CREBBP: variants seen among roughly 807,000 people sequenced by gnomAD.
The protein encoded by CREBBP is CREB-binding protein.
CREBBP carries 19 observed loss-of-function variants against 265.0 expected under a neutral mutation model. The observed-to-expected ratio is 0.07, with a 90% CI of 0.05 to 0.11. The LOEUF (loss-of-function observed/expected upper bound fraction) is 0.11, where lower values mean the gene tolerates loss of function less well. CREBBP is among the 10% of genes least tolerant of loss of function. The pLI, the probability that CREBBP is intolerant of heterozygous loss-of-function variation, is 1.00. For missense variants in CREBBP, 2,525 were observed against 3,219.0 expected (o/e 0.78, Z 5.22); for synonymous variants, 1,457 against 1,223.7 (o/e 1.19, Z -3.98).
chr16:3,792,516 T>C (rs540697878), intron 4 of CREBBP, among the ~76,000 whole-genome samples: 1 of 152,330 alleles, frequency 6.6e-6, no homozygotes, highest in South Asian at 2.1e-4. Flanking sequence ...ATGAGAAGTC[T>C]GTAGAGATTC....
chr16:3,772,564 A>C (rs1394324047), intron 13 of CREBBP, among the ~76,000 whole-genome samples: 1 of 152,164 alleles, frequency 6.6e-6, no homozygotes, highest in Non-Finnish European at 1.5e-5. Flanking sequence ...TCATTTATGT[A>C]CCACAGCAGC....
Position 3,793,734 on chromosome 16 carries a change from C to T in CREBBP, c.976-108G>A, listed in dbSNP as rs1452795624. ...AAAAGCTGATGGATAATACCGACCA[C>T]AGAGAGAAGGCTGGTGTAGTTCTCT... On this transcript the variant is annotated intron_variant, in intron 3 of 30. Coordinates refer to ENST00000262367, the MANE Select transcript of CREBBP (RefSeq NM_004380.3). 4 of 1,331,872 alleles carry T rather than the reference C, an allele frequency of 3.0e-6. No homozygotes were observed. In the African/African-American group the frequency reaches 5.9e-5, roughly 19 times the overall value. 82.5% of individuals were successfully genotyped at this position (1,331,872 alleles called of 1,614,324 possible).
At position 3,744,977 on chromosome 16, in the gene CREBBP, G is replaced by A; in HGVS notation, c.3915-16C>T. 1.3e-6 allele frequency: 2 copies of A among 1,575,806 alleles called. No individual in the cohort carries two copies. Among genetic ancestry groups the A allele is most frequent in the South Asian group, 2.2e-5 (2 of 90,292 alleles). ...GCACACAAAACTGCAAAATAATAGTGGTATGATGAGACTGTATATAATGAT... is the reference window on the plus strand; with the variant it reads ...GCACACAAAACTGCAAAATAATAGTAGTATGATGAGACTGTATATAATGAT... On this transcript the variant is annotated splice_polypyrimidine_tract_variant and intron_variant, in intron 22 of 30. Transcript: ENST00000262367.
intron 3 of CREBBP, among the ~76,000 whole-genome samples, chr16:3,805,009 T>C (rs2053800314): frequency 6.6e-6 from 1 of 152,270 alleles, no homozygotes; most frequent in Non-Finnish European, 1.5e-5. Context: ...TTTCTCTCAA[T>C]TTATAGTTTC....
intron 12 of CREBBP, 52 bp from the exon 13 acceptor site, chr16:3,773,982 A>T (rs1450601722): frequency 3.8e-6 from 6 of 1,596,804 alleles, no homozygotes; most frequent in Non-Finnish European, 5.1e-6. Context: ...TGACGGCCAG[A>T]GTTTTCAAGG....
At chr16:3,741,488 G>C (rs1350263460) in intron 23 of CREBBP, 1 of 152,178 alleles carries the variant, frequency 6.6e-6, no homozygotes, top group Non-Finnish European at 1.5e-5. Context: ...TGGATAAGTT[G>C]TACCTGAATA....
intron 1 of CREBBP, among the ~76,000 whole-genome samples, chr16:3,869,908 T>C (rs2055259062): frequency 6.6e-6 from 1 of 152,178 alleles, no homozygotes; most frequent in Admixed American, 6.5e-5. Context: ...ATTCAAATGA[T>C]TCCCTCAGAG....
chr16:3,843,541 C>A (rs1169089250), intron 2 of CREBBP, among the ~76,000 whole-genome samples: 1 of 151,842 alleles, frequency 6.6e-6, no homozygotes, highest in Non-Finnish European at 1.5e-5. Context: ...CTGCTTCAGC[C>A]TCCTGAGTAG....
intron 3 of CREBBP, among the ~76,000 whole-genome samples, chr16:3,804,071 G>A (rs577293612): frequency 6.6e-6 from 1 of 151,246 alleles, no homozygotes; most frequent in Admixed American, 6.6e-5. Context: ...GTGACAGTGA[G>A]ACCCCAGCTT....
At position 3,731,993 on chromosome 16, in the gene CREBBP, G is replaced by A. The variant is rs1407335774; in HGVS notation, c.4729-56C>T. ...GCAAGTGCCCCTCCACACTTGGCAC[G>A]GACGCCCAGCTCCCAGGCCGTGGGC... is the stretch of plus-strand genomic sequence containing the variant. On this transcript the variant is annotated intron_variant, in intron 28 of 30. Coordinates refer to ENST00000262367, the MANE Select transcript of CREBBP (RefSeq NM_004380.3). This position sits in a 1 kb window ranked among gnomAD's most constrained non-coding sequence, Gnocchi z 7.7. 3.1e-5 allele frequency: 50 copies of A among 1,613,090 alleles called. No individual in the cohort carries two copies. The highest frequency in any genetic ancestry group is 1.7e-4 in the Middle Eastern group (1 of 5,832).
Position 3,738,642 on chromosome 16 carries a change from A to T in CREBBP, c.4311T>A (p.Ile1437=). 1.2e-6 allele frequency: 2 copies of T among 1,613,682 alleles called. No homozygotes were observed. Among genetic ancestry groups the T allele is most frequent in the Non-Finnish European group, 1.7e-6 (2 of 1,179,586 alleles). The change falls in exon 26 of 31, where the codon ATT becomes ATA. Residue 1437 remains isoleucine (I), a synonymous_variant. Coordinates refer to ENST00000262367, the MANE Select transcript of CREBBP (RefSeq NM_004380.3). ...RRVYISYLDS[I]HFFRPRCLRT... ...GGAGGCAACGTGGCCGGAAGAAATG[A>T]ATACTATCCAGATAAGAAATGTACA...
At chr16:3,790,951 T>C (rs72760822) in intron 5 of CREBBP, among the ~76,000 whole-genome samples, 2,612 of 152,172 alleles carry the variant, frequency 0.017, 26 homozygotes, top group Non-Finnish European at 0.028. Flanking sequence ...CAGCACATGT[T>C]CTCCAGGCAG....
intron 3 of CREBBP, among the ~76,000 whole-genome samples, chr16:3,795,337 C>T (rs563682793): frequency 1.2e-4 from 18 of 152,264 alleles, no homozygotes; most frequent in African/African-American, 4.3e-4. Flanking sequence ...CAATTAAAAT[C>T]CCATTATCCA....
In CREBBP at chr16:3,731,489, G is replaced by T. The variant is rs2151317782; in HGVS notation, c.4891-16C>A. 6.4e-7 allele frequency: 1 copy of T among 1,570,186 alleles called. No individual in the cohort carries two copies. The stretch of plus-strand genomic sequence containing the variant: ...CGAAGAAGACCTGCAGGAGAGGAGG[G>T]GCTTTAGTCCCACACAAGGGACATG... On this transcript the variant is annotated splice_polypyrimidine_tract_variant and intron_variant, in intron 29 of 30. Coordinates refer to ENST00000262367, the MANE Select transcript of CREBBP (RefSeq NM_004380.3). This position sits in a 1 kb window ranked among gnomAD's most constrained non-coding sequence, Gnocchi z 7.7.
At chr16:3,819,054 C>A (rs1597000174) in intron 2 of CREBBP, among the ~76,000 whole-genome samples, 1 of 152,368 alleles carries the variant, frequency 6.6e-6, no homozygotes, top group South Asian at 2.1e-4. Flanking sequence ...GGGACAGAGA[C>A]AGGATCTGTC....
chr16:3,823,166 T>G (rs2054173258), intron 2 of CREBBP, among the ~76,000 whole-genome samples: 1 of 152,236 alleles, frequency 6.6e-6, no homozygotes. Context: ...TCTTTCTTAA[T>G]ACTTTCTATT....
chr16:3,745,621 CTTTTTAAAAATTGCTGCGACAAATACATA>C, intron 21 of CREBBP: 1 of 508,782 alleles, frequency 2.0e-6, no homozygotes, highest in Non-Finnish European at 3.6e-6. Context: ...GGAAACTTTA[CTTTTTAAAAATTGCTGCGACAAATACATA>C]TTTCACAGGC....
Position 3,850,364 on chromosome 16 carries a change from G to A in CREBBP, c.731C>T (p.Thr244Met), listed in dbSNP as rs750411228. 35 of 1,614,116 alleles carry A rather than the reference G, an allele frequency of 2.2e-5. No homozygotes were observed. Among genetic ancestry groups the A allele is most frequent in the South Asian group, 3.3e-5 (3 of 91,090 alleles). The change falls in exon 2 of 31, where the codon ACG (threonine) becomes ATG (methionine). Residue 244 changes from threonine to methionine, a missense_variant. Around this residue, in one of 19 missense-constraint regions of CREBBP, gnomAD observed 356 missense variants for 340.4 expected, o/e 1.05. Coordinates refer to ENST00000262367, the MANE Select transcript of CREBBP (RefSeq NM_004380.3). ...ASSSVLAETL[T>M]QVSPQMTGHA... The stretch of plus-strand genomic sequence containing the variant: ...ACCAGTCATTTGCGGGGAAACCTGC[G>A]TTAGGGTCTCAGCCAGCACGCTGCT...
At chr16:3,776,950 G>A (rs574102246) in intron 11 of CREBBP, among the ~76,000 whole-genome samples, 4 of 152,014 alleles carry the variant, frequency 2.6e-5, no homozygotes, top group Admixed American at 6.6e-5. Flanking sequence ...CCCGGGAGGC[G>A]GAGCTTGCAG....
Sources: gnomAD v4.1 joint callset for allele counts (sites outside exome capture counted in the v4.1 genomes callset) on GRCh38, gnomAD v4.1.1 for gene constraint, gnomAD v4.1.1 regional missense constraint, Gnocchi (gnomAD v3.1) non-coding constraint, MANE v1.5 for transcripts, NCBI Gene and HGNC (gene_info 2026-07-23, HGNC 2026-07-21) for gene names.